Variants in UNC13C observed in about 807,000 individuals in gnomAD.
The protein encoded by UNC13C is unc-13 homolog C.
A neutral mutation model predicts 245.4 loss-of-function variants in UNC13C; 174 were observed. The ratio of observed to expected loss-of-function variants is 0.71; its 90% CI spans 0.63 to 0.80. UNC13C has a LOEUF of 0.80. UNC13C is among the 30% of genes least tolerant of loss of function. The pLI is 0.00. For synonymous variants in UNC13C, 992 were observed against 895.1 expected, an observed-to-expected ratio of 1.11 and a Z score of -1.93; for missense variants, 2,829 against 2,602.9, an observed-to-expected ratio of 1.09 and a Z score of -1.89.
At chr15:54,410,862 A>G (rs537374483) in intron 18 of UNC13C, among the ~76,000 whole-genome samples, 1 of 152,210 alleles carries the variant, frequency 6.6e-6, no homozygotes, top group Admixed American at 6.5e-5. Context: ...TTCCATATGA[A>G]TTTAGAATTT....
intron 17 of UNC13C, among the ~76,000 whole-genome samples, chr15:54,350,167 T>A (rs369204483): frequency 6.6e-6 from 1 of 152,154 alleles, no homozygotes; most frequent in East Asian, 1.9e-4. Flanking sequence ...AATTTTTGTA[T>A]TTTTAGTACT....
chr15:54,480,416 C>CT (rs58297037), intron 19 of UNC13C, among the ~76,000 whole-genome samples: 87,089 of 142,314 alleles, frequency 0.61, 26,168 homozygotes, highest in East Asian at 0.71. Context: ...TTTTTTTACT[C>CT]TTTTTTTTTT....
chr15:53,937,551 A>G, the UNC13C span, among the ~76,000 whole-genome samples: 4 of 152,166 alleles, frequency 2.6e-5, no homozygotes, highest in Non-Finnish European at 4.4e-5. Flanking sequence ...AAGATACTCC[A>G]TGAGAAGATC....
the UNC13C span, among the ~76,000 whole-genome samples, chr15:53,896,138 T>C: frequency 6.6e-6 from 1 of 152,054 alleles, no homozygotes; most frequent in African/African-American, 2.4e-5. Flanking sequence ...AACACTTCTC[T>C]AGTCATCTTC....
At chr15:54,054,522 CATTGCAGAATCAAGA>C (rs1343725628) in intron 2 of UNC13C, among the ~76,000 whole-genome samples, 1 of 152,002 alleles carries the variant, frequency 6.6e-6, no homozygotes, top group Non-Finnish European at 1.5e-5. Flanking sequence ...GCTGATATAC[CATTGCAGAATCAAGA>C]AGATAGGATC....
In UNC13C at chr15:54,457,358, C is replaced by T. The variant is rs562662489; in HGVS notation, c.4934-37250C>T. ...GTTTTCTTTTTTTATTCTGTCCTTC[C>T]CTGGTTTGGGTATTACAGTGATACT... is the stretch of plus-strand genomic sequence containing the variant. On this transcript the variant is annotated intron_variant, in intron 19 of 32. Coordinates refer to ENST00000260323, the MANE Select transcript of UNC13C (RefSeq NM_001080534.3). Among the ~76,000 whole-genome samples, 6 of 151,914 alleles carry T rather than the reference C, an allele frequency of 3.9e-5. No individual in the cohort carries two copies. In the South Asian group the frequency reaches 1.3e-3, roughly 32 times the overall value.
intron 10 of UNC13C, among the ~76,000 whole-genome samples, chr15:54,290,860 T>TA (rs1276665742): frequency 3.9e-5 from 6 of 152,018 alleles, no homozygotes; most frequent in Admixed American, 1.3e-4. Context: ...TATTTGCAGG[T>TA]AAAAAATGCA....
intron 2 of UNC13C, among the ~76,000 whole-genome samples, chr15:54,037,370 C>T (rs1442619452): frequency 6.6e-6 from 1 of 152,116 alleles, no homozygotes; most frequent in African/African-American, 2.4e-5. Flanking sequence ...CCGTCTGTTC[C>T]CTACCTTCTA....
intron 19 of UNC13C, among the ~76,000 whole-genome samples, chr15:54,471,490 G>T (rs1892458808): frequency 1.3e-5 from 2 of 151,424 alleles, no homozygotes; most frequent in Middle Eastern, 3.4e-3. Flanking sequence ...AGTCTGTTTT[G>T]TCTGAAATAA....
At chr15:54,187,965 C>G (rs2034051789) in intron 4 of UNC13C, among the ~76,000 whole-genome samples, 1 of 151,980 alleles carries the variant, frequency 6.6e-6, no homozygotes, top group Admixed American at 6.6e-5. Flanking sequence ...GCCCACCACC[C>G]CACCACCATG....
Position 54,166,178 on chromosome 15 carries a change from A to C in UNC13C, c.3071+22494A>C, listed in dbSNP as rs77930673. 5.9e-3 allele frequency among the ~76,000 whole-genome samples: 892 copies of C among 152,050 alleles called. 50 individuals carry two copies. In the East Asian group the frequency reaches 0.11, roughly 18 times the overall value. On this transcript the variant is annotated intron_variant, in intron 4 of 32. Transcript: ENST00000260323. ...TTTTTATTTTACTAAATCTATCCATATTCTCTTGATTTCTGCCTTTAGATA... is the reference window on the plus strand; with the variant it reads ...TTTTTATTTTACTAAATCTATCCATCTTCTCTTGATTTCTGCCTTTAGATA...
chr15:54,410,369 A>C (rs772274518), intron 18 of UNC13C, among the ~76,000 whole-genome samples: 1 of 151,862 alleles, frequency 6.6e-6, no homozygotes, highest in Non-Finnish European at 1.5e-5. Flanking sequence ...GAAGCTCTTT[A>C]GTTTAATTAA....
chr15:54,140,963 T>A (rs1001933064), intron 2 of UNC13C, among the ~76,000 whole-genome samples: 1 of 152,134 alleles, frequency 6.6e-6, no homozygotes, highest in African/African-American at 2.4e-5. Context: ...GAATGAAACA[T>A]TGAAAGAACT....
At chr15:54,536,904 C>G (rs531500923) in intron 26 of UNC13C, among the ~76,000 whole-genome samples, 1 of 152,010 alleles carries the variant, frequency 6.6e-6, no homozygotes, top group African/African-American at 2.4e-5. Context: ...GGAAGCATTC[C>G]CCTTGAGAAC....
chr15:54,102,074 C>T (rs753917771), intron 2 of UNC13C, among the ~76,000 whole-genome samples: 28 of 149,312 alleles, frequency 1.9e-4, no homozygotes, highest in Non-Finnish European at 3.3e-4. Flanking sequence ...GTATCTAAGA[C>T]GTGGAATTTG....
At chr15:54,485,337 A>C (rs1010603005) in intron 19 of UNC13C, among the ~76,000 whole-genome samples, 1 of 152,238 alleles carries the variant, frequency 6.6e-6, no homozygotes, top group African/African-American at 2.4e-5. Flanking sequence ...CAAAATTTCA[A>C]TAAGTTACCA....
intron 2 of UNC13C, among the ~76,000 whole-genome samples, chr15:54,071,320 C>A (rs1403125814): frequency 6.6e-6 from 1 of 152,084 alleles, no homozygotes; most frequent in African/African-American, 2.4e-5. Context: ...GTTCCTACTT[C>A]ATTAAATATT....
the UNC13C span, among the ~76,000 whole-genome samples, chr15:53,970,649 G>C: frequency 1.3e-5 from 2 of 152,058 alleles, no homozygotes; most frequent in African/African-American, 2.4e-5. Flanking sequence ...TGGACACATG[G>C]GGGGAAACAA....
At chr15:54,254,898 A>C (rs2036240678) in intron 8 of UNC13C, among the ~76,000 whole-genome samples, 5 of 152,250 alleles carry the variant, frequency 3.3e-5, no homozygotes, top group Admixed American at 2.6e-4. Context: ...TGTAGCCTCC[A>C]AGAGTTCCCC....
Sources: allele counts gnomAD v4.1 joint callset (sites outside exome capture counted in the v4.1 genomes callset), GRCh38; gene constraint gnomAD v4.1.1; transcripts MANE v1.5; gene names NCBI Gene and HGNC (gene_info 2026-07-23, HGNC 2026-07-21).